The following KIF26B variants were observed in gnomAD, a reference collection of about 807,000 sequenced individuals.
The protein encoded by KIF26B is kinesin-like protein KIF26B.
In KIF26B, 63 loss-of-function variants were observed where a neutral mutation model predicts 151.2. That is an observed-to-expected ratio of 0.42 (90% CI 0.34 to 0.51). The LOEUF is 0.51. Ranked by LOEUF, KIF26B falls within the 20% of genes least tolerant of loss-of-function variation. The pLI is 0.07. For synonymous variants in KIF26B, 1,357 were observed against 1,262.1 expected (o/e 1.08, Z -1.59); for missense variants, 2,813 against 2,913.6 (o/e 0.97, Z 0.79).
At position 245,442,647 on chromosome 1, in the gene KIF26B, C is replaced by T. The variant is rs115336813; in HGVS notation, c.1166+22902C>T. Among the ~76,000 whole-genome samples, 439 of 151,888 alleles carry T rather than the reference C, an allele frequency of 2.9e-3. 4 individuals are homozygous for T. The highest frequency in any genetic ancestry group is 9.6e-3 in the African/African-American group (395 of 41,224). On this transcript the variant is annotated intron_variant, in intron 4 of 14. Transcript: ENST00000407071. The stretch of plus-strand genomic sequence containing the variant: ...CCTGATGGGAAGCAGCAGAGGTGAG[C>T]GGTCATCTCCCTCACTGTTCACCCT...
chr1:245,179,906 C>G (rs918362331), intron 2 of KIF26B, among the ~76,000 whole-genome samples: 2 of 152,192 alleles, frequency 1.3e-5, no homozygotes, highest in Non-Finnish European at 2.9e-5. Flanking sequence ...CATGAAGCAC[C>G]TGGCGCATGG....
chr1:245,197,018 G>A (rs1287438457), intron 2 of KIF26B, among the ~76,000 whole-genome samples: 3 of 152,128 alleles, frequency 2.0e-5, no homozygotes, highest in African/African-American at 7.2e-5. Context: ...ATTCTGTTCC[G>A]CATTTGGAGA....
At chr1:245,386,849 G>A (rs993560293) in intron 3 of KIF26B, among the ~76,000 whole-genome samples, 1 of 152,192 alleles carries the variant, frequency 6.6e-6, no homozygotes, top group African/African-American at 2.4e-5. Context: ...AGTGTTTTCG[G>A]ATGCCCGCTA....
At chr1:245,390,953 C>CAAAACACAAAA (rs1491437625) in intron 3 of KIF26B, among the ~76,000 whole-genome samples, 1 of 48,812 alleles carries the variant, frequency 2.0e-5, no homozygotes, top group African/African-American at 7.1e-5. Context: ...AAAAAAAAAA[C>CAAAACACAAAA]CACCATAAAA....
At chr1:245,361,240 C>G (rs951839840) in intron 2 of KIF26B, among the ~76,000 whole-genome samples, 5 of 152,188 alleles carry the variant, frequency 3.3e-5, no homozygotes, top group Non-Finnish European at 7.3e-5. Context: ...AGAACACGAT[C>G]GTTCAAACGG....
At chr1:245,253,800 CTTTTTTT>C (rs5782330) in intron 2 of KIF26B, among the ~76,000 whole-genome samples, 5 of 72,172 alleles carry the variant, frequency 6.9e-5, no homozygotes, top group South Asian at 5.3e-4. Context: ...TGAAGTCCTG[CTTTTTTT>C]TTTTTTTTTT....
At chr1:245,382,427 A>G (rs1467082654) in intron 3 of KIF26B, among the ~76,000 whole-genome samples, 3 of 152,130 alleles carry the variant, frequency 2.0e-5, no homozygotes, top group Non-Finnish European at 2.9e-5. Context: ...GATAGTATCT[A>G]TCCCCTAGTA....
rs752859652 is a variant in KIF26B, at chr1:245,688,147, G to A, written c.5164G>A (p.Gly1722Arg). 2 of 1,593,844 alleles carry A rather than the reference G, an allele frequency of 1.3e-6. No homozygotes were observed. The highest frequency in any genetic ancestry group is 4.5e-5 in the East Asian group (2 of 44,490). ...CGCCGGGACCTCGCCCCCCAGCTCC[G>A]GGGCCTCGCCCAAGGCCGGCCAGTC... The part of the protein sequence containing the change: ...RSAGTSPPSS[G>R]ASPKAGQSKI... The change falls in exon 12 of 15, where the codon GGG becomes AGG. Residue 1722 changes from glycine to arginine, a missense_variant. Gly to Arg is a moderately radical substitution (Grantham distance 125). Transcript: ENST00000407071.
Position 245,680,075 on chromosome 1 carries a change from CTAAG to C in KIF26B, c.2259-4156_2259-4153del, listed in dbSNP as rs200240063. On this transcript the variant is annotated intron_variant, in intron 10 of 14. Coordinates refer to ENST00000407071, the MANE Select transcript of KIF26B (RefSeq NM_018012.4). Reference sequence around the variant, plus strand: ...CTTCAGACTTGATGCAAAGAGTGGGCTAAGTCTGTGCTGACTGTTGCCCTGGAAA... The same window carrying C: ...CTTCAGACTTGATGCAAAGAGTGGGCTCTGTGCTGACTGTTGCCCTGGAAA... 1.0e-3 allele frequency among the ~76,000 whole-genome samples: 155 copies of C among 152,278 alleles called. 1 individual carries two copies. In the East Asian group the frequency reaches 0.024, roughly 24 times the overall value.
At chr1:245,213,052 C>A (rs138945818) in intron 2 of KIF26B, among the ~76,000 whole-genome samples, 1 of 152,176 alleles carries the variant, frequency 6.6e-6, no homozygotes, top group African/African-American at 2.4e-5. Context: ...AAGGGGGGAG[C>A]AAATAAAACC....
rs534734844 is a variant in KIF26B, at chr1:245,404,733, A to G, written c.1000-14846A>G. ...AGAATATTTACTTAGTGAAGACATA[A>G]TGAGATGGTACAATTCTCTGGTGTC... On this transcript the variant is annotated intron_variant, in intron 3 of 14. Transcript: ENST00000407071. Among the ~76,000 whole-genome samples, 5 of 152,350 alleles carry G rather than the reference A, an allele frequency of 3.3e-5. No individual in the cohort carries two copies. In the South Asian group the frequency reaches 8.3e-4, roughly 25 times the overall value.
At chr1:245,577,622 C>T (rs572004864) in intron 5 of KIF26B, among the ~76,000 whole-genome samples, 1 of 148,654 alleles carries the variant, frequency 6.7e-6, no homozygotes, top group East Asian at 2.0e-4. Context: ...GGCAGTGCAT[C>T]CCCTACACGG....
intron 3 of KIF26B, among the ~76,000 whole-genome samples, chr1:245,401,504 G>T (rs1156760567): frequency 6.6e-6 from 1 of 152,178 alleles, no homozygotes; most frequent in Non-Finnish European, 1.5e-5. Flanking sequence ...TTATGATAAT[G>T]GCAAACAAAG....
chr1:245,277,110 G>A (rs1232325273), intron 2 of KIF26B, among the ~76,000 whole-genome samples: 1 of 152,164 alleles, frequency 6.6e-6, no homozygotes, highest in Non-Finnish European at 1.5e-5. Context: ...GAGAGGTGTG[G>A]AATGGATCCT....
intron 2 of KIF26B, among the ~76,000 whole-genome samples, chr1:245,320,369 A>T (rs1023837667): frequency 3.9e-5 from 6 of 152,266 alleles, no homozygotes; most frequent in Non-Finnish European, 1.5e-5. Context: ...TGAAAAGTAC[A>T]GAATTCCCAT....
chr1:245,258,018 C>A (rs888785845), intron 2 of KIF26B, among the ~76,000 whole-genome samples: 1 of 150,024 alleles, frequency 6.7e-6, no homozygotes, highest in East Asian at 2.0e-4. Flanking sequence ...GAGACTCTGT[C>A]TTAAAAAAAA....
intron 3 of KIF26B, among the ~76,000 whole-genome samples, chr1:245,392,062 GAA>G (rs34473498): frequency 2.3e-4 from 31 of 135,884 alleles, no homozygotes; most frequent in East Asian, 6.2e-4. Flanking sequence ...AAAGCAAATT[GAA>G]AAAAAAAAAA....
At chr1:245,210,837 T>C (rs1466121135) in intron 2 of KIF26B, among the ~76,000 whole-genome samples, 2 of 152,122 alleles carry the variant, frequency 1.3e-5, no homozygotes, top group Non-Finnish European at 2.9e-5. Flanking sequence ...CATCCAGGTC[T>C]TCTGTCATTT....
intron 10 of KIF26B, among the ~76,000 whole-genome samples, chr1:245,659,911 G>A (rs2147931742): frequency 6.6e-6 from 1 of 151,564 alleles, no homozygotes; most frequent in East Asian, 1.9e-4. Context: ...AGCCAGGCGT[G>A]GTGGAACATG....
Sources: allele counts gnomAD v4.1 joint callset (sites outside exome capture counted in the v4.1 genomes callset), GRCh38; gene constraint gnomAD v4.1.1; transcripts MANE v1.5; gene names NCBI Gene and HGNC (gene_info 2026-07-23, HGNC 2026-07-21).